HMCN1: variants seen among roughly 807,000 people sequenced by gnomAD.
HMCN1 encodes the protein hemicentin 1, also known as hemicentin-1.
HMCN1 carries 321 observed loss-of-function variants against 625.9 expected under a neutral mutation model. The ratio of observed to expected loss-of-function variants is 0.51; its 90% CI spans 0.47 to 0.56. The LOEUF is 0.56. HMCN1 is among the 20% of genes least tolerant of loss of function. The pLI is 0.00. For missense variants in HMCN1, 6,588 were observed against 6,887.3 expected (o/e 0.96, Z 1.54); for synonymous variants, 2,425 against 2,417.6 (o/e 1.00, Z -0.09).
At chr1:185,836,035 A>G (rs1661146023) in intron 1 of HMCN1, among the ~76,000 whole-genome samples, 1 of 152,210 alleles carries the variant, frequency 6.6e-6, no homozygotes, top group South Asian at 2.1e-4. Flanking sequence ...CCATATCCTG[A>G]CAATGACTGT....
chr1:185,785,105 T>C (rs1298373992), intron 1 of HMCN1, among the ~76,000 whole-genome samples: 1 of 152,246 alleles, frequency 6.6e-6, no homozygotes, highest in Non-Finnish European at 1.5e-5. Flanking sequence ...TGACTGCTTC[T>C]GGCTTTGGGA....
intron 1 of HMCN1, among the ~76,000 whole-genome samples, chr1:185,763,197 C>T (rs1557949169): frequency 1.3e-5 from 2 of 152,038 alleles, no homozygotes; most frequent in Non-Finnish European, 2.9e-5. Context: ...TGCAAATGCA[C>T]AAAGGCACAT....
chr1:185,991,572 ACTTGC>A (rs1300637808), intron 22 of HMCN1, among the ~76,000 whole-genome samples: 1 of 152,158 alleles, frequency 6.6e-6, no homozygotes, highest in African/African-American at 2.4e-5. Context: ...TTATTTTGTT[ACTTGC>A]CTTATTAAGT....
chr1:185,786,517 C>G (rs1294494358), intron 1 of HMCN1, among the ~76,000 whole-genome samples: 4 of 152,294 alleles, frequency 2.6e-5, no homozygotes, highest in African/African-American at 9.6e-5. Context: ...CTGGAGTTCT[C>G]TAGCATCTTG....
intron 4 of HMCN1, among the ~76,000 whole-genome samples, chr1:185,908,583 C>T (rs973653456): frequency 9.2e-5 from 14 of 152,024 alleles, no homozygotes; most frequent in Admixed American, 8.5e-4. Flanking sequence ...TCTATGGATT[C>T]AAAGTTTTTC....
At chr1:185,838,569 T>A (rs73054410) in intron 1 of HMCN1, among the ~76,000 whole-genome samples, 4,695 of 152,148 alleles carry the variant, frequency 0.031, 263 homozygotes, top group African/African-American at 0.11. Flanking sequence ...TAGCAGAGAA[T>A]CTTGTGGTGG....
Position 186,128,168 on chromosome 1 carries a change from A to G in HMCN1, c.12781A>G (p.Thr4261Ala). ...CAGCCTGACTGTGCATGTTCTCCCCACTTTTACTGAACTTCCTGGAGACGT... is the reference window on the plus strand; with the variant it reads ...CAGCCTGACTGTGCATGTTCTCCCCGCTTTTACTGAACTTCCTGGAGACGT... The part of the protein sequence containing the change: ...TVSLTVHVLP[T>A]FTELPGDVSL... Residue 4261 changes from threonine (T) to alanine (A), a missense_variant, in exon 83 of 107, where the codon ACT (threonine) becomes GCT (alanine). Physicochemically the swap from Thr to Ala is moderately conservative, Grantham distance 58 (BLOSUM62 0). Coordinates refer to ENST00000271588, the MANE Select transcript of HMCN1 (RefSeq NM_031935.3). 6.2e-7 allele frequency: 1 copy of G among 1,613,682 alleles called. No homozygotes were observed. Among genetic ancestry groups the G allele is most frequent in the Non-Finnish European group, 8.5e-7 (1 of 1,179,766 alleles).
At chr1:186,069,387 TGAA>T (rs1658340221) in intron 50 of HMCN1, among the ~76,000 whole-genome samples, 1 of 152,186 alleles carries the variant, frequency 6.6e-6, no homozygotes, top group African/African-American at 2.4e-5. Context: ...AAAGACCTTA[TGAA>T]GGATCTTAGC....
In HMCN1 at chr1:186,130,582, A is replaced by G; in HGVS notation, c.13115A>G (p.Glu4372Gly). 1.9e-6 allele frequency: 3 copies of G among 1,613,506 alleles called. No individual in the cohort carries two copies. Among genetic ancestry groups the G allele is most frequent in the Non-Finnish European group, 2.5e-6 (3 of 1,179,568 alleles). ...PLGGNAILNCEVKGDPTPTIQ... is the reference protein window; with the variant it reads ...PLGGNAILNCGVKGDPTPTIQ... ...GGTGGGAATGCAATCCTGAATTGTG[A>G]GGTGAAAGGAGACCCCACCCCAACC... Residue 4372 changes from glutamate (E) to glycine (G), a missense_variant, in exon 85 of 107, where the codon GAG becomes GGG. Coordinates refer to ENST00000271588, the MANE Select transcript of HMCN1 (RefSeq NM_031935.3).
At chr1:185,917,136 T>C (rs1188648851) in intron 6 of HMCN1, among the ~76,000 whole-genome samples, 2 of 152,178 alleles carry the variant, frequency 1.3e-5, no homozygotes, top group African/African-American at 4.8e-5. Flanking sequence ...TCAGCTATGA[T>C]GGGAATATTT....
chr1:186,085,561 A>G (rs1488456957), intron 57 of HMCN1, among the ~76,000 whole-genome samples: 1 of 152,068 alleles, frequency 6.6e-6, no homozygotes, highest in Non-Finnish European at 1.5e-5. Flanking sequence ...TCAACACATG[A>G]ATTTGCGGGG....
At chr1:185,950,791 C>T (rs12562160) in intron 11 of HMCN1, among the ~76,000 whole-genome samples, 2 of 151,738 alleles carry the variant, frequency 1.3e-5, no homozygotes, top group African/African-American at 2.4e-5. Flanking sequence ...AGATCCAGAA[C>T]AGAATAATGG....
intron 97 of HMCN1, among the ~76,000 whole-genome samples, chr1:186,159,817 G>C (rs1332608952): frequency 6.6e-6 from 1 of 152,180 alleles, no homozygotes; most frequent in African/African-American, 2.4e-5. Context: ...GCTGGATTCG[G>C]TTTGCCAGTA....
rs79433681 is a variant in HMCN1 at position 186,108,294 on chromosome 1, A to G, written c.10853-167A>G. Among the ~76,000 whole-genome samples the G allele has an allele frequency of 8.1e-3, 1,232 of 152,154 alleles. 8 individuals are homozygous for G. Among genetic ancestry groups the G allele is most frequent in the Middle Eastern group, 0.027 (8 of 292 alleles). On this transcript the variant is annotated intron_variant, in intron 70 of 106. Transcript: ENST00000271588. ...CTTAGTGTACATGAAATTGCTAAAT[A>G]AGGTTAAAAAAAAAACACTTCCCAC...
chr1:185,821,329 A>G (rs1288028135), intron 1 of HMCN1, among the ~76,000 whole-genome samples: 1 of 152,126 alleles, frequency 6.6e-6, no homozygotes, highest in Non-Finnish European at 1.5e-5. Flanking sequence ...TAAAGAGAAT[A>G]ATTATATGTC....
chr1:186,064,809 CAAAAA>C (rs541377417), intron 48 of HMCN1, among the ~76,000 whole-genome samples: 2 of 95,576 alleles, frequency 2.1e-5, no homozygotes, highest in African/African-American at 3.9e-5. Context: ...GACTTCATCT[CAAAAA>C]AAAAAAAAAA....
chr1:186,117,169 T>C, intron 76 of HMCN1, 54 bp downstream of exon 76: 1 of 1,605,780 alleles, frequency 6.2e-7, no homozygotes, highest in Non-Finnish European at 8.5e-7. Flanking sequence ...CACTTCGTTA[T>C]TCTACTACTT....
chr1:186,173,895 A>G (rs1652393137), intron 102 of HMCN1, among the ~76,000 whole-genome samples: 1 of 152,232 alleles, frequency 6.6e-6, no homozygotes, highest in Non-Finnish European at 1.5e-5. Flanking sequence ...AACTGAGAGA[A>G]TAAGTTAAAG....
intron 1 of HMCN1, among the ~76,000 whole-genome samples, chr1:185,844,639 G>A (rs935080165): frequency 1.3e-5 from 2 of 152,044 alleles, no homozygotes; most frequent in African/African-American, 4.8e-5. Flanking sequence ...TTATAGTTTC[G>A]AATGAGTCTA....
Sources: allele counts gnomAD v4.1 joint callset (sites outside exome capture counted in the v4.1 genomes callset), GRCh38; gene constraint gnomAD v4.1.1; transcripts MANE v1.5; gene names NCBI Gene and HGNC (gene_info 2026-07-23, HGNC 2026-07-21).